ATP7B: variants seen among roughly 807,000 people sequenced by gnomAD.
The protein encoded by ATP7B is copper-transporting ATPase 2.
ATP7B carries 113 observed loss-of-function variants against 118.9 expected under a neutral mutation model. The observed-to-expected ratio is 0.95, with a 90% CI of 0.82 to 1.11. The LOEUF is 1.11. Among genes scored for constraint, ATP7B ranks in the 50% most tolerant of loss-of-function variants. The pLI is 0.00. For missense variants in ATP7B, 1,867 were observed against 1,871.4 expected, an observed-to-expected ratio of 1.00 and a Z score of 0.04; for synonymous variants, 777 against 727.4, an observed-to-expected ratio of 1.07 and a Z score of -1.10.
intron 3 of ATP7B, 149 bp from the exon 4 acceptor site, chr13:51,968,756 G>A (rs752686160): frequency 6.9e-6 from 7 of 1,010,428 alleles, no homozygotes; most frequent in African/African-American, 4.8e-5. Context: ...GGCTGCACAT[G>A]AGGCTTGCTT....
chr13:51,938,851 C>G (rs754757851), intron 17 of ATP7B, among the ~76,000 whole-genome samples, 200 bp downstream of exon 17: 15 of 152,206 alleles, frequency 9.9e-5, no homozygotes, highest in Non-Finnish European at 1.9e-4. Context: ...CGCCCAAGCT[C>G]CAGGGAAGAG....
At chr13:52,008,345 C>A (rs1267194847) in intron 1 of ATP7B, among the ~76,000 whole-genome samples, 1 of 152,140 alleles carries the variant, frequency 6.6e-6, no homozygotes, top group Non-Finnish European at 1.5e-5. Context: ...TCTCAAAAAA[C>A]TAAATAAATA....
intron 19 of ATP7B, 111 bp downstream of exon 19, chr13:51,937,164 TA>T: frequency 1.0e-6 from 1 of 985,984 alleles, no homozygotes; most frequent in Non-Finnish European, 1.6e-6. Flanking sequence ...ACAGCCTTTC[TA>T]AAACGCCTCT....
chr13:51,994,365 A>C (rs1352076641), intron 1 of ATP7B, among the ~76,000 whole-genome samples: 1 of 152,228 alleles, frequency 6.6e-6, no homozygotes, highest in African/African-American at 2.4e-5. Flanking sequence ...TCTGTGTAGA[A>C]GCTACCCAAA....
chr13:51,974,316 C>T lies in ATP7B; in HGVS notation c.904G>A (p.Asp302Asn). The T allele has an allele frequency of 6.2e-7, 1 of 1,614,094 alleles. No individual in the cohort carries two copies. The highest frequency in any genetic ancestry group is 8.5e-7 in the Non-Finnish European group (1 of 1,180,032). ...GCCACTGGGCTGGTACAAGAAGGGTCATACTTTACTTGGGCAGTTTTGTTC... is the reference window on the plus strand; with the variant it reads ...GCCACTGGGCTGGTACAAGAAGGGTTATACTTTACTTGGGCAGTTTTGTTC... ...LENKTAQVKYDPSCTSPVALQ... is the reference protein window; with the variant it reads ...LENKTAQVKYNPSCTSPVALQ... The change falls in exon 2 of 21, where the codon GAC becomes AAC. Residue 302 changes from aspartate to asparagine, a missense_variant. Transcript: ENST00000242839.
intron 7 of ATP7B, chr13:51,959,807 CG>C: frequency 2.9e-6 from 1 of 341,932 alleles, no homozygotes; most frequent in Non-Finnish European, 5.6e-6. Flanking sequence ...CAGCAACAAA[CG>C]TAAATTAACC....
At chr13:51,996,175 T>C (rs555607853) in intron 1 of ATP7B, among the ~76,000 whole-genome samples, 153 of 152,308 alleles carry the variant, frequency 1.0e-3, no homozygotes, top group Non-Finnish European at 1.4e-3. Context: ...GTAGCTTTGT[T>C]TTCCCTTGGA....
At chr13:51,948,149 T>A (rs1050726391) in intron 12 of ATP7B, among the ~76,000 whole-genome samples, 6 of 152,162 alleles carry the variant, frequency 3.9e-5, no homozygotes, top group African/African-American at 1.4e-4. Context: ...AGATGGGAAA[T>A]TTGAGGGAGA....
At chr13:52,010,568 T>C (rs1953973539) in intron 1 of ATP7B, among the ~76,000 whole-genome samples, 1 of 152,038 alleles carries the variant, frequency 6.6e-6, no homozygotes, top group Non-Finnish European at 1.5e-5. Context: ...AGATATATCG[T>C]TAAACTGAAA....
chr13:51,995,310 T>C, intron 1 of ATP7B: 1 of 985,386 alleles, frequency 1.0e-6, no homozygotes, highest in Non-Finnish European at 1.2e-6. Context: ...GCAATTGCAC[T>C]GACCTGACTG....
At chr13:51,967,370 TA>T (rs1371718261) in intron 4 of ATP7B, among the ~76,000 whole-genome samples, 2 of 152,148 alleles carry the variant, frequency 1.3e-5, no homozygotes, top group African/African-American at 4.8e-5. Context: ...AACACTACAA[TA>T]AAAAAATTGT....
intron 9 of ATP7B, among the ~76,000 whole-genome samples, chr13:51,953,187 C>T (rs1821369629): frequency 6.6e-6 from 1 of 152,196 alleles, no homozygotes; most frequent in African/African-American, 2.4e-5. Context: ...TAAAGTCCTC[C>T]AGCGATGGAG....
At chr13:51,951,279 T>C (rs1410246434) in intron 9 of ATP7B, among the ~76,000 whole-genome samples, 1 of 152,010 alleles carries the variant, frequency 6.6e-6, no homozygotes, top group Non-Finnish European at 1.5e-5. Flanking sequence ...AAAGATGAGC[T>C]CCAAATTTTC....
chr13:51,972,028 C>T lies in ATP7B; in HGVS notation c.1286-1279G>A, dbSNP rs116786631. Among the ~76,000 whole-genome samples, 1,166 of 152,374 alleles carry T rather than the reference C, an allele frequency of 7.7e-3. 11 individuals are homozygous for T. Among genetic ancestry groups the T allele is most frequent in the African/African-American group, 0.027 (1,109 of 41,598 alleles). ...CTGGTCCAGTCCACAGAGACACGCA[C>T]GGGCAGGGCCCATGTCTGGGACCTA... is the stretch of plus-strand genomic sequence containing the variant. On this transcript the variant is annotated intron_variant, in intron 2 of 20. Transcript: ENST00000242839.
At chr13:52,012,097 G>A (rs1954057063), upstream of ATP7B, 2 of 521,056 alleles carry the variant, frequency 3.8e-6, no homozygotes, top group East Asian at 3.4e-5. Context: ...GGGAACGGGG[G>A]CGCAGGCGCC....
Position 51,941,186 on chromosome 13 carries a change from G to A in ATP7B, c.3451C>T (p.Arg1151Cys), listed in dbSNP as rs755554442. ...AAACCGTTGCGCCTCAGCCACTCACGGTTTCCAATCAGCACAGAGAAGGTC... is the reference window on the plus strand; with the variant it reads ...AAACCGTTGCGCCTCAGCCACTCACAGTTTCCAATCAGCACAGAGAAGGTC... The part of the protein sequence containing the change: ...PQTFSVLIGN[R>C]EWLRRNGLTI... Residue 1151 changes from arginine (R) to cysteine (C), a missense_variant, in exon 16 of 21, where the codon CGT becomes TGT. Coordinates refer to ENST00000242839, the MANE Select transcript of ATP7B (RefSeq NM_000053.4). 2.5e-5 allele frequency: 40 copies of A among 1,613,994 alleles called. 1 individual carries two copies. The highest frequency in any genetic ancestry group is 1.8e-4 in the Admixed American group (11 of 60,002).
chr13:52,009,396 C>T (rs1425009565), intron 1 of ATP7B, among the ~76,000 whole-genome samples: 2 of 152,156 alleles, frequency 1.3e-5, no homozygotes, highest in African/African-American at 4.8e-5. Context: ...CTGAGGGCTG[C>T]TACCTGTGAG....
chr13:51,982,582 G>A (rs977614173), intron 1 of ATP7B, among the ~76,000 whole-genome samples: 5 of 152,174 alleles, frequency 3.3e-5, no homozygotes, highest in African/African-American at 1.2e-4. Flanking sequence ...CAGTTGTACA[G>A]GAAGGCTTGA....
chr13:51,963,322 T>C (rs777992454), intron 5 of ATP7B, among the ~76,000 whole-genome samples: 4 of 152,150 alleles, frequency 2.6e-5, no homozygotes, highest in Non-Finnish European at 5.9e-5. Flanking sequence ...GAGCTGGGTA[T>C]TGTGAGTAAA....
Sources: allele counts gnomAD v4.1 joint callset (sites outside exome capture counted in the v4.1 genomes callset), GRCh38; gene constraint gnomAD v4.1.1; transcripts MANE v1.5; gene names NCBI Gene and HGNC (gene_info 2026-07-23, HGNC 2026-07-21).